The following NBAS variants were observed in gnomAD, a reference collection of about 807,000 sequenced individuals.
The protein encoded by NBAS is NAG/BC035112 fusion.
A neutral mutation model predicts 302.5 loss-of-function variants in NBAS; 219 were observed. The observed-to-expected ratio is 0.72, with a 90% CI of 0.65 to 0.81. The LOEUF (loss-of-function observed/expected upper bound fraction) is 0.81. NBAS is among the 30% of genes least tolerant of loss of function. NBAS has a pLI of 0.00. For synonymous variants in NBAS, 1,118 were observed against 1,021.6 expected (o/e 1.09, Z -1.80); for missense variants, 2,932 against 2,841.6 (o/e 1.03, Z -0.72).
At chr2:15,174,323 G>A (rs747316180) in intron 51 of NBAS, among the ~76,000 whole-genome samples, 10 of 152,194 alleles carry the variant, frequency 6.6e-5, no homozygotes, top group Non-Finnish European at 1.5e-4. Flanking sequence ...TGCCTTCATG[G>A]CAAGATTACA....
At chr2:15,404,194 C>T (rs1382248777) in intron 25 of NBAS, among the ~76,000 whole-genome samples, 1 of 152,134 alleles carries the variant, frequency 6.6e-6, no homozygotes, top group East Asian at 1.9e-4. Context: ...AATAATTTGC[C>T]TGAACCCACA....
the NBAS span, among the ~76,000 whole-genome samples, chr2:14,971,425 G>C: frequency 6.6e-6 from 1 of 152,116 alleles, no homozygotes. Flanking sequence ...TGAGGCAGGA[G>C]AATCACTTGA....
rs180818048 is a variant in NBAS, at chr2:15,509,696, T to C, written c.885+1516A>G. Among the ~76,000 whole-genome samples, 45 of 152,356 alleles carry C rather than the reference T, an allele frequency of 3.0e-4. 1 individual carries two copies. Among genetic ancestry groups the C allele is most frequent in the South Asian group, 1.4e-3 (7 of 4,828 alleles). ...GTTTTAGAACATAATTTGAAATCAA[T>C]ATATTTTTTGACAAATTCATTATCA... On this transcript the variant is annotated intron_variant, in intron 10 of 51. Coordinates refer to ENST00000281513, the MANE Select transcript of NBAS (RefSeq NM_015909.4).
At chr2:15,378,615 G>C (rs1354896789) in intron 30 of NBAS, among the ~76,000 whole-genome samples, 1 of 152,144 alleles carries the variant, frequency 6.6e-6, no homozygotes, top group African/African-American at 2.4e-5. Flanking sequence ...CCTACAGTTT[G>C]GCTAGGCTTT....
intron 10 of NBAS, among the ~76,000 whole-genome samples, chr2:15,506,352 G>C (rs1405613704): frequency 2.0e-5 from 3 of 152,076 alleles, no homozygotes; most frequent in East Asian, 1.9e-4. Flanking sequence ...AATATCCTAG[G>C]AAGCTATCAG....
intron 35 of NBAS, among the ~76,000 whole-genome samples, chr2:15,343,203 G>C (rs1672938585): frequency 6.6e-6 from 1 of 152,176 alleles, no homozygotes; most frequent in South Asian, 2.1e-4. Context: ...AAGGAACTAG[G>C]ACAATCCCTT....
At chr2:15,434,983 T>C (rs1677941579) in intron 21 of NBAS, among the ~76,000 whole-genome samples, 1 of 152,170 alleles carries the variant, frequency 6.6e-6, no homozygotes, top group African/African-American at 2.4e-5. Flanking sequence ...TATTTCACAT[T>C]ACATGAAGAC....
the NBAS span, among the ~76,000 whole-genome samples, chr2:14,783,575 G>T: frequency 6.7e-6 from 1 of 148,744 alleles, no homozygotes; most frequent in African/African-American, 2.5e-5. Context: ...GCGGTGTTTG[G>T]TTTTTTGTCC....
intron 44 of NBAS, among the ~76,000 whole-genome samples, chr2:15,262,775 T>C (rs1002466805): frequency 7.2e-5 from 11 of 152,174 alleles, no homozygotes; most frequent in East Asian, 3.9e-4. Context: ...GGTGATCAAA[T>C]GGCATCAATC....
intron 6 of NBAS, among the ~76,000 whole-genome samples, chr2:15,542,038 G>A (rs79384957): frequency 3.6e-5 from 3 of 83,344 alleles, no homozygotes; most frequent in Non-Finnish European, 8.6e-5. Context: ...CAGCCGCCCC[G>A]TCCAGGAGGT....
intron 24 of NBAS, among the ~76,000 whole-genome samples, chr2:15,416,537 C>T (rs1006165687): frequency 6.6e-6 from 1 of 152,120 alleles, no homozygotes; most frequent in Admixed American, 6.5e-5. Flanking sequence ...GGAGAGGTGG[C>T]TCACGCCTAT....
chr2:15,201,479 A>T, intron 48 of NBAS, among the ~76,000 whole-genome samples: 1 of 152,248 alleles, frequency 6.6e-6, no homozygotes, highest in Non-Finnish European at 1.5e-5. Flanking sequence ...AAAACCAGTC[A>T]TAAGCTGTTG....
intron 16 of NBAS, among the ~76,000 whole-genome samples, chr2:15,471,823 G>A (rs535205695): frequency 4.6e-5 from 7 of 152,220 alleles, no homozygotes; most frequent in Non-Finnish European, 8.8e-5. Flanking sequence ...CAGCAAGAAA[G>A]AAATCCATCT....
At chr2:14,956,798 G>A in the NBAS span, among the ~76,000 whole-genome samples, 4 of 152,120 alleles carry the variant, frequency 2.6e-5, no homozygotes, top group Admixed American at 6.6e-5. Flanking sequence ...CCCTTGACAC[G>A]TGGGGATTAC....
chr2:14,980,945 G>A, the NBAS span, among the ~76,000 whole-genome samples: 1 of 152,094 alleles, frequency 6.6e-6, no homozygotes, highest in African/African-American at 2.4e-5. Context: ...GAAAGGTAAA[G>A]TTGGGGGATC....
At chr2:15,201,173 T>C (rs1182330000) in intron 48 of NBAS, among the ~76,000 whole-genome samples, 1 of 152,198 alleles carries the variant, frequency 6.6e-6, no homozygotes, top group African/African-American at 2.4e-5. Flanking sequence ...CCTAAGAGAC[T>C]CATATAATGA....
At chr2:15,493,594 G>A (rs1346218973) in intron 11 of NBAS, among the ~76,000 whole-genome samples, 2 of 151,614 alleles carry the variant, frequency 1.3e-5, no homozygotes, top group Non-Finnish European at 2.9e-5. Flanking sequence ...TTGAACCTGG[G>A]AGGCAGAGGT....
chr2:14,859,973 A>T, the NBAS span, among the ~76,000 whole-genome samples: 4 of 152,240 alleles, frequency 2.6e-5, no homozygotes, highest in South Asian at 8.3e-4. Flanking sequence ...AGGAGCTCAC[A>T]TAACTCAATA....
At chr2:15,413,442 G>A (rs1676777377) in intron 25 of NBAS, among the ~76,000 whole-genome samples, 2 of 152,178 alleles carry the variant, frequency 1.3e-5, no homozygotes. Flanking sequence ...TAGAGACAGA[G>A]TACAAAGACA....
Sources: gnomAD v4.1 joint callset for allele counts (sites outside exome capture counted in the v4.1 genomes callset) on GRCh38, gnomAD v4.1.1 for gene constraint, MANE v1.5 for transcripts, NCBI Gene and HGNC (gene_info 2026-07-23, HGNC 2026-07-21) for gene names.